TRPC7: variants seen among roughly 807,000 people sequenced by gnomAD.
The protein encoded by TRPC7 is short transient receptor potential channel 7.
TRPC7 carries 42 observed loss-of-function variants against 90.1 expected under a neutral mutation model. The observed-to-expected ratio is 0.47, with a 90% CI of 0.36 to 0.60. The LOEUF is 0.60. Ranked by LOEUF, TRPC7 falls within the 20% of genes least tolerant of loss-of-function variation. The pLI, the probability that TRPC7 is intolerant of heterozygous loss-of-function variation, is 0.00. For missense variants in TRPC7, 955 were observed against 1,112.3 expected, an observed-to-expected ratio of 0.86 and a Z score of 2.01; for synonymous variants, 451 against 436.3, an observed-to-expected ratio of 1.03 and a Z score of -0.42.
chr5:136,295,162 T>C (rs912164996), intron 3 of TRPC7, among the ~76,000 whole-genome samples: 1 of 151,902 alleles, frequency 6.6e-6, no homozygotes, highest in Non-Finnish European at 1.5e-5. Context: ...TGGGGAGGGA[T>C]AGCCTTAGGA....
chr5:136,270,036 G>A (rs1757157877), intron 4 of TRPC7, among the ~76,000 whole-genome samples: 1 of 152,156 alleles, frequency 6.6e-6, no homozygotes, highest in Non-Finnish European at 1.5e-5. Flanking sequence ...TGGTTGTTTT[G>A]ACTTCTTTCT....
At chr5:136,250,390 A>C (rs992075312) in intron 6 of TRPC7, among the ~76,000 whole-genome samples, 1 of 152,250 alleles carries the variant, frequency 6.6e-6, no homozygotes, top group Admixed American at 6.5e-5. Flanking sequence ...TCCCGGAGCC[A>C]TCTGGCTTCA....
At chr5:136,277,715 G>C (rs1476118370) in intron 3 of TRPC7, among the ~76,000 whole-genome samples, 1 of 152,214 alleles carries the variant, frequency 6.6e-6, no homozygotes, top group African/African-American at 2.4e-5. Context: ...CTTATAGCTA[G>C]AATAGAATAG....
chr5:136,296,145 T>A (rs1758161477), intron 3 of TRPC7, among the ~76,000 whole-genome samples: 1 of 152,042 alleles, frequency 6.6e-6, no homozygotes, highest in Non-Finnish European at 1.5e-5. Flanking sequence ...GGTGGACAGC[T>A]GGGGGTGGGG....
At chr5:136,351,111 A>C (rs1341307267) in intron 2 of TRPC7, among the ~76,000 whole-genome samples, 1 of 152,188 alleles carries the variant, frequency 6.6e-6, no homozygotes, top group Non-Finnish European at 1.5e-5. Flanking sequence ...TGTTTTATAT[A>C]TTTGTATTAT....
chr5:136,266,440 G>A lies in TRPC7; in HGVS notation c.1129-4C>T. On this transcript the variant is annotated splice_polypyrimidine_tract_variant and splice_region_variant and intron_variant, in intron 4 of 11. Coordinates refer to ENST00000513104, the MANE Select transcript of TRPC7 (RefSeq NM_020389.3). ...GGCTCCTCAGGGTTCGTCCTAGCTG[G>A]AAAGAAAATGTGTTCAAGACATGTT... 2 of 1,611,816 alleles carry A rather than the reference G, an allele frequency of 1.2e-6. No homozygotes were observed. Among genetic ancestry groups the A allele is most frequent in the Non-Finnish European group, 1.7e-6 (2 of 1,178,570 alleles).
chr5:136,365,453 C>T lies in TRPC7; in HGVS notation c.-199G>A, dbSNP rs892724320. ...GTTCTTTGTGTTGCAGTGGTAAAAA[C>T]TCGCCTTCCGAGGCAGAACCGTGTT... On this transcript the variant is annotated 5_prime_UTR_variant, in exon 1 of 12. Coordinates refer to ENST00000513104, the MANE Select transcript of TRPC7 (RefSeq NM_020389.3). The T allele has an allele frequency of 1.7e-6, 1 of 604,484 alleles. No individual in the cohort carries two copies. The highest frequency in any genetic ancestry group is 1.9e-5 in the African/African-American group (1 of 54,030). 37.4% of individuals were successfully genotyped at this position (604,484 alleles called of 1,614,324 possible). A position where few individuals can be genotyped will look rare whatever the true frequency, so the allele number is the denominator to read the frequency against.
intron 6 of TRPC7, among the ~76,000 whole-genome samples, chr5:136,251,287 T>C (rs1756508926): frequency 6.6e-6 from 1 of 152,152 alleles, no homozygotes; most frequent in South Asian, 2.1e-4. Context: ...CTTCCGCATA[T>C]ACATATCCCT....
intron 6 of TRPC7, among the ~76,000 whole-genome samples, chr5:136,249,863 G>C (rs1438771726): frequency 6.6e-6 from 1 of 152,176 alleles, no homozygotes; most frequent in East Asian, 1.9e-4. Context: ...GGCCACAAGA[G>C]GGCTCTCCTG....
At chr5:136,339,864 C>T (rs1383517185) in intron 2 of TRPC7, among the ~76,000 whole-genome samples, 4 of 151,978 alleles carry the variant, frequency 2.6e-5, no homozygotes, top group Non-Finnish European at 4.4e-5. Flanking sequence ...ACAACAACAA[C>T]AACAACAACA....
At chr5:136,363,304 G>A (rs1052844413) in intron 1 of TRPC7, among the ~76,000 whole-genome samples, 1 of 152,044 alleles carries the variant, frequency 6.6e-6, no homozygotes, top group African/African-American at 2.4e-5. Context: ...TGAAATTGAG[G>A]TGAGATAGTG....
At chr5:136,349,991 G>A (rs1393055011) in intron 2 of TRPC7, among the ~76,000 whole-genome samples, 1 of 152,138 alleles carries the variant, frequency 6.6e-6, no homozygotes, top group African/African-American at 2.4e-5. Context: ...GTTGTCTACA[G>A]TGTTCAGTAT....
At chr5:136,228,953 C>A (rs1040176376) in intron 8 of TRPC7, among the ~76,000 whole-genome samples, 3 of 152,140 alleles carry the variant, frequency 2.0e-5, no homozygotes, top group Non-Finnish European at 2.9e-5. Flanking sequence ...TAGTGGGCAT[C>A]CCTCACAGCC....
intron 1 of TRPC7, among the ~76,000 whole-genome samples, chr5:136,357,954 A>G (rs1196918653): frequency 6.6e-6 from 1 of 152,166 alleles, no homozygotes; most frequent in Non-Finnish European, 1.5e-5. Flanking sequence ...GCCATCACAA[A>G]TATGGCTGCC....
chr5:136,350,046 C>T (rs1055632953), intron 2 of TRPC7, among the ~76,000 whole-genome samples: 7 of 152,172 alleles, frequency 4.6e-5, no homozygotes, highest in African/African-American at 1.7e-4. Flanking sequence ...AAGAGGCTAT[C>T]CCATATAGCC....
chr5:136,317,257 A>T (rs577075605), intron 2 of TRPC7, among the ~76,000 whole-genome samples: 3 of 151,626 alleles, frequency 2.0e-5, no homozygotes, highest in Admixed American at 2.0e-4. Flanking sequence ...AAGTGTTAGG[A>T]TTGGAAGAGC....
chr5:136,300,928 A>G (rs1758360026), intron 3 of TRPC7, among the ~76,000 whole-genome samples: 1 of 152,264 alleles, frequency 6.6e-6, no homozygotes, highest in South Asian at 2.1e-4. Context: ...CAAGAGCTTC[A>G]TCTCTTCAAA....
intron 5 of TRPC7, among the ~76,000 whole-genome samples, chr5:136,252,275 C>T (rs1756549363): frequency 6.6e-6 from 1 of 152,088 alleles, no homozygotes; most frequent in Admixed American, 6.5e-5. Flanking sequence ...TGAAGGTCCC[C>T]CCACTCCATG....
chr5:136,263,155 G>C (rs1197835375), intron 5 of TRPC7, among the ~76,000 whole-genome samples: 2 of 152,204 alleles, frequency 1.3e-5, no homozygotes, highest in Non-Finnish European at 2.9e-5. Flanking sequence ...AGAGTGGGGA[G>C]ATATTCGAGC....
Sources: allele counts gnomAD v4.1 joint callset (sites outside exome capture counted in the v4.1 genomes callset), GRCh38; gene constraint gnomAD v4.1.1; transcripts MANE v1.5; gene names NCBI Gene and HGNC (gene_info 2026-07-23, HGNC 2026-07-21).